The following CYP19A1 variants were observed in gnomAD, a reference collection of about 807,000 sequenced individuals.
CYP19A1 encodes aromatase.
CYP19A1 carries 32 observed loss-of-function variants against 44.4 expected under a neutral mutation model. The observed-to-expected ratio is 0.72, with a 90% confidence interval of 0.54 to 0.97. The LOEUF is 0.97. CYP19A1 is among the 50% of genes least tolerant of loss of function. The pLI is 0.00. For synonymous variants in CYP19A1, 212 were observed against 215.6 expected (o/e 0.98, Z 0.14); for missense variants, 598 against 637.8 (o/e 0.94, Z 0.67).
chr15:51,323,211 A>G (rs996347595), intron 1 of CYP19A1, among the ~76,000 whole-genome samples: 4 of 152,012 alleles, frequency 2.6e-5, no homozygotes, highest in Admixed American at 1.3e-4. Flanking sequence ...GTGGCCCACA[A>G]TTGCTCACCA....
At chr15:51,310,208 C>T (rs543200033) in intron 1 of CYP19A1, among the ~76,000 whole-genome samples, 51 of 152,260 alleles carry the variant, frequency 3.3e-4, no homozygotes, top group African/African-American at 1.2e-3. Context: ...CAACCAAACA[C>T]TCTTAACAAA....
At chr15:51,266,100 C>A (rs764768320) in intron 1 of CYP19A1, among the ~76,000 whole-genome samples, 25 of 152,226 alleles carry the variant, frequency 1.6e-4, no homozygotes, top group Non-Finnish European at 3.2e-4. Context: ...CCAGAGCCAA[C>A]TGAGGAAAGA....
intron 1 of CYP19A1, among the ~76,000 whole-genome samples, chr15:51,284,758 T>C (rs1595756977): frequency 5.3e-5 from 8 of 152,220 alleles, no homozygotes; most frequent in Admixed American, 5.2e-4. Flanking sequence ...ACAAGATACA[T>C]GGTGGAGGAA....
At chr15:51,313,509 A>C (rs1028431984) in intron 1 of CYP19A1, among the ~76,000 whole-genome samples, 2 of 152,052 alleles carry the variant, frequency 1.3e-5, no homozygotes, top group African/African-American at 4.8e-5. Flanking sequence ...TCTATAAAAA[A>C]CTTAAGGCCA....
intron 1 of CYP19A1, among the ~76,000 whole-genome samples, chr15:51,299,198 G>C (rs932950739): frequency 3.9e-5 from 6 of 152,210 alleles, no homozygotes; most frequent in Non-Finnish European, 7.3e-5. Flanking sequence ...GCTTCCATCT[G>C]ATCTCAGGTT....
chr15:51,288,932 G>C (rs556531404), intron 1 of CYP19A1, among the ~76,000 whole-genome samples: 2 of 152,218 alleles, frequency 1.3e-5, no homozygotes, highest in African/African-American at 4.8e-5. Context: ...CAAAAGATCT[G>C]CAATGTGGCA....
intron 2 of CYP19A1, among the ~76,000 whole-genome samples, chr15:51,239,894 G>A (rs918499740): frequency 1.3e-5 from 2 of 152,134 alleles, no homozygotes; most frequent in Non-Finnish European, 1.5e-5. Flanking sequence ...GTGGTACCCC[G>A]GGCAGAGCAT....
intron 1 of CYP19A1, among the ~76,000 whole-genome samples, chr15:51,261,228 G>C (rs2034708364): frequency 1.3e-5 from 2 of 152,122 alleles, no homozygotes; most frequent in Non-Finnish European, 2.9e-5. Flanking sequence ...CATGGCCCAA[G>C]GTTCCATTCC....
intron 1 of CYP19A1, chr15:51,293,476 T>C (rs779658163): frequency 3.3e-5 from 5 of 152,266 alleles, no homozygotes; most frequent in Non-Finnish European, 7.3e-5. Context: ...TCAGACACTG[T>C]TGCCATTTGC....
intron 3 of CYP19A1, among the ~76,000 whole-genome samples, chr15:51,232,794 C>T (rs1566883502): frequency 6.6e-6 from 1 of 152,218 alleles, no homozygotes; most frequent in Non-Finnish European, 1.5e-5. Flanking sequence ...TGTCTGTCCC[C>T]ATCCCTTGTC....
intron 1 of CYP19A1, among the ~76,000 whole-genome samples, chr15:51,276,850 T>A (rs770777185): frequency 6.6e-6 from 1 of 152,186 alleles, no homozygotes; most frequent in Non-Finnish European, 1.5e-5. Context: ...TGCCTTTGCT[T>A]AGAGGAGCAA....
intron 4 of CYP19A1, among the ~76,000 whole-genome samples, chr15:51,225,905 C>T (rs1461819574): frequency 1.1e-4 from 17 of 151,710 alleles, no homozygotes; most frequent in East Asian, 5.8e-4. Flanking sequence ...CTGGCTAACA[C>T]GGTGAAACCC....
At chr15:51,249,816 C>T (rs1386518017) in intron 1 of CYP19A1, among the ~76,000 whole-genome samples, 1 of 152,170 alleles carries the variant, frequency 6.6e-6, no homozygotes, top group African/African-American at 2.4e-5. Flanking sequence ...GGGAAGGTCA[C>T]TTGTCAATAG....
At chr15:51,258,719 C>T (rs758581974) in intron 1 of CYP19A1, among the ~76,000 whole-genome samples, 7 of 152,122 alleles carry the variant, frequency 4.6e-5, no homozygotes, top group South Asian at 2.1e-4. Flanking sequence ...CAGAGGTGTA[C>T]GATATGTACC....
chr15:51,238,737 A>G (rs2033566138), intron 2 of CYP19A1, among the ~76,000 whole-genome samples: 1 of 152,176 alleles, frequency 6.6e-6, no homozygotes, highest in Non-Finnish European at 1.5e-5. Flanking sequence ...TGAAAAAGGG[A>G]GATTGAACCT....
intron 1 of CYP19A1, among the ~76,000 whole-genome samples, chr15:51,329,960 G>A (rs1287680537): frequency 6.6e-6 from 1 of 152,172 alleles, no homozygotes. Flanking sequence ...AGCCCTCCCT[G>A]GGATGTGGGG....
At position 51,242,903 on chromosome 15, in the gene CYP19A1, C is replaced by T. The variant is rs1485079207; in HGVS notation, c.10G>A (p.Glu4Lys). 2 of 1,610,664 alleles carry T rather than the reference C, an allele frequency of 1.2e-6. No individual in the cohort carries two copies. The highest frequency in any genetic ancestry group is 1.1e-5 in the South Asian group (1 of 90,998). Residue 4 changes from glutamate (E) to lysine (K), a missense_variant, in exon 2 of 10, where the codon GAA becomes AAA. Physicochemically the swap from Glu to Lys is moderately conservative, Grantham distance 56. Transcript: ENST00000396402. ...TTATAATGTATCGGGTTCAGCATTTCCAAAACCATCTTGTGTTCCTTGACC... is the reference window on the plus strand; with the variant it reads ...TTATAATGTATCGGGTTCAGCATTTTCAAAACCATCTTGTGTTCCTTGACC... MVLEMLNPIHYNIT... is the reference protein window; with the variant it reads MVLKMLNPIHYNIT...
chr15:51,285,822 C>T (rs534937527), intron 1 of CYP19A1, among the ~76,000 whole-genome samples: 16 of 152,300 alleles, frequency 1.1e-4, no homozygotes, highest in African/African-American at 3.1e-4. Flanking sequence ...TTGCGTTAGC[C>T]CACTTGATCC....
In CYP19A1 at chr15:51,295,153, T is replaced by A. The variant is rs2035965293; in HGVS notation, c.-39+43342A>T. 4.1e-5 allele frequency among the ~76,000 whole-genome samples: 6 copies of A among 145,708 alleles called. No individual in the cohort carries two copies. The South Asian group carries it at 1.3e-3, about 31-fold the overall frequency. On this transcript the variant is annotated intron_variant, in intron 1 of 9. Transcript: ENST00000396402. ...AACAACGTGTTTTTTTTTTTTTTTT[T>A]TTAATTAATTTGAGGTAGGACACAA... is the stretch of plus-strand genomic sequence containing the variant.
Sources: gnomAD v4.1 joint callset for allele counts (sites outside exome capture counted in the v4.1 genomes callset) on GRCh38, gnomAD v4.1.1 for gene constraint, MANE v1.5 for transcripts, NCBI Gene and HGNC (gene_info 2026-07-23, HGNC 2026-07-21) for gene names.